The following LRRC37A variants were observed in gnomAD, a reference collection of about 807,000 sequenced individuals.
The protein encoded by LRRC37A is leucine-rich repeat-containing protein 37A.
In LRRC37A, 3 loss-of-function variants were observed where a neutral mutation model predicts 35.4. The ratio of observed to expected loss-of-function variants is 0.08; its 90% CI spans 0.04 to 0.22. LRRC37A has a LOEUF of 0.22. Ranked by LOEUF, LRRC37A falls within the 10% of genes least tolerant of loss-of-function variation. LRRC37A has a pLI of 1.00. For missense variants in LRRC37A, 67 were observed against 565.3 expected (o/e 0.12, Z 8.94); for synonymous variants, 23 against 215.0 (o/e 0.11, Z 7.81).
At chr17:46,291,182 C>T (rs2050056023), upstream of LRRC37A, among the ~76,000 whole-genome samples, 1 of 152,230 alleles carries the variant, frequency 6.6e-6, no homozygotes, top group Admixed American at 6.5e-5. Context: ...TTTCCTAGTT[C>T]ATATATTTTT....
chr17:46,290,724 G>A (rs1274632869), upstream of LRRC37A, among the ~76,000 whole-genome samples: 2 of 152,260 alleles, frequency 1.3e-5, no homozygotes, highest in Non-Finnish European at 2.9e-5. Context: ...TGGGATTATA[G>A]GCATGAGCCA....
the LRRC37A span, among the ~76,000 whole-genome samples, chr17:46,261,636 C>T: frequency 1.1e-4 from 16 of 151,932 alleles, no homozygotes; most frequent in African/African-American, 1.7e-4. Context: ...TGGTCTCAAA[C>T]GCCTGACCTC....
At chr17:46,279,613 T>A in the LRRC37A span, among the ~76,000 whole-genome samples, 1 of 147,658 alleles carries the variant, frequency 6.8e-6, no homozygotes, top group African/African-American at 2.5e-5. Flanking sequence ...TCCTCCCACC[T>A]CAGCCTCTGG....
the LRRC37A span, among the ~76,000 whole-genome samples, chr17:46,266,875 G>T: frequency 6.7e-6 from 1 of 148,418 alleles, no homozygotes; most frequent in Non-Finnish European, 1.5e-5. Flanking sequence ...GGCCCGCGAC[G>T]GAGGAAGCCC....
chr17:46,264,970 C>G, the LRRC37A span, among the ~76,000 whole-genome samples: 4 of 152,222 alleles, frequency 2.6e-5, no homozygotes, highest in South Asian at 4.1e-4. Flanking sequence ...ATAAAGAGCA[C>G]GTGAAAGAAG....
chr17:46,287,814 C>T (rs183357053), upstream of LRRC37A, among the ~76,000 whole-genome samples: 365 of 152,298 alleles, frequency 2.4e-3, 2 homozygotes, highest in African/African-American at 8.3e-3. Context: ...CTTGGCAAGG[C>T]GGAGCTGTGT....
chr17:46,269,390 C>T, the LRRC37A span, among the ~76,000 whole-genome samples: 1,272 of 152,182 alleles, frequency 8.4e-3, 17 homozygotes, highest in African/African-American at 0.03. Flanking sequence ...AAAAATTAGC[C>T]GGGTGTGGTG....
At chr17:46,263,571 A>AAG in the LRRC37A span, among the ~76,000 whole-genome samples, 1 of 148,556 alleles carries the variant, frequency 6.7e-6, no homozygotes, top group Non-Finnish European at 1.5e-5. Flanking sequence ...AAAAAAAAAA[A>AAG]AGGCTGAGCA....
the LRRC37A span, among the ~76,000 whole-genome samples, chr17:46,274,583 G>A: frequency 2.6e-4 from 40 of 152,292 alleles, no homozygotes; most frequent in Admixed American, 4.6e-4. Flanking sequence ...ATATGTAACC[G>A]TGGCTGGATT....
the LRRC37A span, among the ~76,000 whole-genome samples, chr17:46,263,941 C>T: frequency 7.2e-5 from 11 of 151,990 alleles, no homozygotes; most frequent in Admixed American, 2.6e-4. Flanking sequence ...AAGTGATCTG[C>T]CCGCCTCAGC....
chr17:46,262,700 C>T, the LRRC37A span, among the ~76,000 whole-genome samples: 1 of 151,324 alleles, frequency 6.6e-6, no homozygotes, highest in African/African-American at 2.4e-5. Flanking sequence ...GCAGGAGAAT[C>T]ACTTGAACCG....
At chr17:46,248,898 TG>T in the LRRC37A span, among the ~76,000 whole-genome samples, 1 of 151,906 alleles carries the variant, frequency 6.6e-6, no homozygotes, top group Non-Finnish European at 1.5e-5. Flanking sequence ...CCTCCATATC[TG>T]CAGGTTCCTC....
the LRRC37A span, among the ~76,000 whole-genome samples, chr17:46,269,081 A>G: frequency 1.3e-5 from 2 of 151,900 alleles, no homozygotes; most frequent in African/African-American, 2.4e-5. Context: ...ATCAAACCTG[A>G]TTTTATATTC....
intron 6 of LRRC37A, among the ~76,000 whole-genome samples, 199 bp downstream of exon 6, chr17:46,322,592 A>AT (rs1430998318): frequency 2.8e-5 from 1 of 35,776 alleles, no homozygotes; most frequent in Admixed American, 3.6e-4. Flanking sequence ...AGAGAACAGC[A>AT]TTGAAGAACC....
chr17:46,305,765 TCAG>T (rs2050539265), intron 4 of LRRC37A, among the ~76,000 whole-genome samples, 185 bp downstream of exon 4: 1 of 77,392 alleles, frequency 1.3e-5, no homozygotes, highest in Admixed American at 1.3e-4. Context: ...TAGTGAATCA[TCAG>T]AGAGCAGTGG....
rs1475900863 is a variant in LRRC37A, at chr17:46,331,007, G to A, written c.3730G>A (p.Ala1244Thr). Residue 1244 changes from alanine (A) to threonine (T), a missense_variant, in exon 9 of 14, where the codon GCA (alanine) becomes ACA (threonine). Coordinates refer to ENST00000320254, the Ensembl canonical transcript of LRRC37A. The stretch of plus-strand genomic sequence containing the variant: ...TTCGTTCACCCAAGAGCATAAGGCA[G>A]CAGTCTCTGTGCTGAAACCCTTCTC... 2 of 721,834 alleles carry A rather than the reference G, an allele frequency of 2.8e-6. No homozygotes were observed. Among genetic ancestry groups the A allele is most frequent in the Non-Finnish European group, 4.1e-6 (2 of 482,242 alleles). 44.7% of individuals were successfully genotyped at this position (721,834 alleles called of 1,614,324 possible). A position where few individuals can be genotyped will look rare whatever the true frequency, so the allele number is the denominator to read the frequency against.
chr17:46,248,756 G>C, the LRRC37A span, among the ~76,000 whole-genome samples: 1 of 151,972 alleles, frequency 6.6e-6, no homozygotes, highest in Non-Finnish European at 1.5e-5. Flanking sequence ...CTGACCTCAA[G>C]TGATCCGCCC....
the LRRC37A span, among the ~76,000 whole-genome samples, chr17:46,265,612 G>T: frequency 2.5e-3 from 43 of 17,550 alleles, no homozygotes; most frequent in Non-Finnish European, 0.16. Flanking sequence ...CCATGTGGCT[G>T]GGACCAAGGC....
At chr17:46,251,085 C>A in the LRRC37A span, among the ~76,000 whole-genome samples, 1 of 152,142 alleles carries the variant, frequency 6.6e-6, no homozygotes, top group Non-Finnish European at 1.5e-5. Flanking sequence ...GGTGACAGAG[C>A]AAGACCCTGT....
Sources: gnomAD v4.1 joint callset for allele counts (sites outside exome capture counted in the v4.1 genomes callset) on GRCh38, gnomAD v4.1.1 for gene constraint, MANE v1.5 for transcripts, NCBI Gene and HGNC (gene_info 2026-07-23, HGNC 2026-07-21) for gene names.